The following VWC2 variants were observed in gnomAD, a reference collection of about 807,000 sequenced individuals.
VWC2 encodes von Willebrand factor C domain containing 2.
A neutral mutation model predicts 29.8 loss-of-function variants in VWC2; 14 were observed. The ratio of observed to expected loss-of-function variants is 0.47; its 90% confidence interval spans 0.31 to 0.74. VWC2 has a LOEUF of 0.74. Among genes scored for constraint, VWC2 ranks in the 30% least tolerant of loss-of-function variants. The probability of loss-of-function intolerance (pLI) is 0.05; values close to 1 mark genes in which losing one functional copy is unlikely to be tolerated. For synonymous variants in VWC2, 213 were observed against 199.0 expected (o/e 1.07, Z -0.59); for missense variants, 457 against 459.8 (o/e 0.99, Z 0.05).
chr7:49,899,920 G>T (rs989233335), intron 3 of VWC2, among the ~76,000 whole-genome samples: 5 of 151,632 alleles, frequency 3.3e-5, no homozygotes, highest in African/African-American at 9.7e-5. Context: ...CCACATTCTG[G>T]GTCATAAAAT....
At chr7:49,820,889 A>C (rs1393016789) in intron 3 of VWC2, among the ~76,000 whole-genome samples, 1 of 152,140 alleles carries the variant, frequency 6.6e-6, no homozygotes, top group Non-Finnish European at 1.5e-5. Flanking sequence ...GCCCAGGTAC[A>C]GGCTGAGGAA....
chr7:49,782,229 C>G (rs375628360), intron 2 of VWC2, among the ~76,000 whole-genome samples: 22 of 152,148 alleles, frequency 1.4e-4, no homozygotes, highest in African/African-American at 5.3e-4. Context: ...CCACACCCCC[C>G]TTGCAGATGT....
At chr7:49,886,343 T>C (rs1378276728) in intron 3 of VWC2, among the ~76,000 whole-genome samples, 2 of 152,232 alleles carry the variant, frequency 1.3e-5, no homozygotes, top group Admixed American at 1.3e-4. Flanking sequence ...GCCTGACCTC[T>C]ACAATATTAA....
At chr7:49,796,342 T>C (rs991684856) in intron 2 of VWC2, among the ~76,000 whole-genome samples, 2 of 152,212 alleles carry the variant, frequency 1.3e-5, no homozygotes, top group African/African-American at 4.8e-5. Flanking sequence ...GGCATGTGCA[T>C]TCAGCCTGGA....
At chr7:49,900,467 G>T (rs1328020704) in intron 3 of VWC2, among the ~76,000 whole-genome samples, 1 of 151,656 alleles carries the variant, frequency 6.6e-6, no homozygotes, top group East Asian at 1.9e-4. Context: ...AGAAACAAAA[G>T]AGAGGACATC....
At chr7:49,888,914 AAAAAAC>A (rs1332339687) in intron 3 of VWC2, among the ~76,000 whole-genome samples, 1 of 152,128 alleles carries the variant, frequency 6.6e-6, no homozygotes, top group Admixed American at 6.5e-5. Context: ...TTCATCTCAA[AAAAAAC>A]AAAAACAAAA....
At chr7:49,775,034 G>T (rs1337343704) in intron 1 of VWC2, among the ~76,000 whole-genome samples, 1 of 152,308 alleles carries the variant, frequency 6.6e-6, no homozygotes, top group East Asian at 1.9e-4. Flanking sequence ...AGGGGGGCGC[G>T]GGCCTGGCTC....
chr7:49,856,421 C>T (rs1176158937), intron 3 of VWC2, among the ~76,000 whole-genome samples: 1 of 152,172 alleles, frequency 6.6e-6, no homozygotes, highest in Admixed American at 6.5e-5. Flanking sequence ...CTGAGGTTCA[C>T]CAGAAAAAGA....
At chr7:49,780,097 G>T (rs1248048693) in intron 2 of VWC2, among the ~76,000 whole-genome samples, 1 of 152,222 alleles carries the variant, frequency 6.6e-6, no homozygotes. Context: ...ACCTAACGAG[G>T]TAGTAACAGT....
chr7:49,829,858 G>A (rs183004207), intron 3 of VWC2, among the ~76,000 whole-genome samples: 1 of 152,356 alleles, frequency 6.6e-6, no homozygotes, highest in East Asian at 1.9e-4. Context: ...TTTCTGTTAG[G>A]ATGGGAATGG....
chr7:49,778,279 T>C (rs1251881577), intron 2 of VWC2, among the ~76,000 whole-genome samples: 1 of 152,036 alleles, frequency 6.6e-6, no homozygotes, highest in East Asian at 1.9e-4. Context: ...AAAAGGGAAA[T>C]TGGAAAGATT....
At chr7:49,820,012 A>ATT (rs909498437) in intron 3 of VWC2, among the ~76,000 whole-genome samples, 1 of 152,148 alleles carries the variant, frequency 6.6e-6, no homozygotes, top group Non-Finnish European at 1.5e-5. Context: ...CTCACAATAT[A>ATT]TTTCTAAGAT....
rs184929369 is a variant in VWC2, at chr7:49,793,530, A to G, written c.697-9181A>G. On this transcript the variant is annotated intron_variant, in intron 2 of 3. Coordinates refer to ENST00000340652, the MANE Select transcript of VWC2 (RefSeq NM_198570.5). Reference sequence around the variant, plus strand: ...AACACCTGTGTGTACATGTGTTTTCAAAGACTGACATTGATAGAAGCAACA... The same window carrying G: ...AACACCTGTGTGTACATGTGTTTTCGAAGACTGACATTGATAGAAGCAACA... Among the ~76,000 whole-genome samples, 373 of 152,308 alleles carry G rather than the reference A, an allele frequency of 2.4e-3. 2 individuals carry two copies. Among genetic ancestry groups the G allele is most frequent in the Non-Finnish European group, 2.0e-3 (136 of 68,022 alleles).
chr7:49,872,678 G>T (rs1791210204), intron 3 of VWC2, among the ~76,000 whole-genome samples: 1 of 151,218 alleles, frequency 6.6e-6, no homozygotes, highest in East Asian at 1.9e-4. Context: ...GGTCAAGGTG[G>T]GCGGATCACC....
chr7:49,795,074 T>G (rs1240356364), intron 2 of VWC2, among the ~76,000 whole-genome samples: 1 of 152,140 alleles, frequency 6.6e-6, no homozygotes, highest in East Asian at 1.9e-4. Flanking sequence ...TATCTCTCCT[T>G]GAGAACACAA....
intron 3 of VWC2, among the ~76,000 whole-genome samples, chr7:49,887,534 A>ATTC (rs10680582): frequency 0.77 from 116,778 of 151,826 alleles, 45,149 homozygotes; most frequent in East Asian, 0.88. Flanking sequence ...ACCATGCTGT[A>ATTC]TTCTTAAATG....
Position 49,877,474 on chromosome 7 carries a change from AAAAAAAAATAT to A in VWC2, c.827-34558_827-34548del, listed in dbSNP as rs1308826079. On this transcript the variant is annotated intron_variant, in intron 3 of 3. Transcript: ENST00000340652. ...AGAAACTCTGTCTCAAAAAAAAAAA[AAAAAAAAATAT>A]ATATATATATATATATATATATATA... 2.2e-4 allele frequency among the ~76,000 whole-genome samples: 10 copies of A among 46,268 alleles called. No individual in the cohort carries two copies. In the South Asian group the frequency reaches 6.9e-3, roughly 32 times the overall value. The allele number at this position is 46,268 out of a possible 152,430, so 30.4% of individuals were successfully genotyped here. A position where few individuals can be genotyped will look rare whatever the true frequency, so the allele number is the denominator to read the frequency against.
At chr7:49,863,870 T>TG (rs1562738846) in intron 3 of VWC2, among the ~76,000 whole-genome samples, 1 of 152,266 alleles carries the variant, frequency 6.6e-6, no homozygotes, top group Non-Finnish European at 1.5e-5. Flanking sequence ...GATCCTTTTC[T>TG]GTTTTATAAT....
intron 3 of VWC2, among the ~76,000 whole-genome samples, chr7:49,825,375 C>T (rs1249079007): frequency 6.6e-6 from 1 of 152,146 alleles, no homozygotes; most frequent in African/African-American, 2.4e-5. Context: ...TTTTCTCCTT[C>T]AGTATGGGGC....
Sources: gnomAD v4.1 joint callset for allele counts (sites outside exome capture counted in the v4.1 genomes callset) on GRCh38, gnomAD v4.1.1 for gene constraint, MANE v1.5 for transcripts, NCBI Gene and HGNC (gene_info 2026-07-23, HGNC 2026-07-21) for gene names.